The following KCNAB1 variants were observed in gnomAD, a reference collection of about 807,000 sequenced individuals.
KCNAB1 encodes potassium voltage-gated channel subfamily A regulatory beta subunit 1.
KCNAB1 carries 35 observed loss-of-function variants against 64.6 expected under a neutral mutation model. The observed-to-expected ratio is 0.54, with a 90% CI of 0.41 to 0.72. KCNAB1 has a LOEUF of 0.72. KCNAB1 is among the 30% of genes least tolerant of loss of function. KCNAB1 has a pLI of 0.00. For missense variants in KCNAB1, 401 were observed against 512.9 expected (o/e 0.78, Z 2.11); for synonymous variants, 177 against 183.8 (o/e 0.96, Z 0.30).
rs568499754 is a variant in KCNAB1 at position 156,155,575 on chromosome 3, G to A, written c.275+34689G>A. ...AGAAATGACAATCATTGAAGTTTCC[G>A]GGGTAAAGAGTATTATAGACAGAAG... On this transcript the variant is annotated intron_variant, in intron 1 of 13. Transcript: ENST00000490337. 2.0e-4 allele frequency among the ~76,000 whole-genome samples: 30 copies of A among 152,242 alleles called. No individual in the cohort carries two copies. The South Asian group carries it at 4.6e-3, about 23-fold the overall frequency.
intron 1 of KCNAB1, chr3:156,175,842 C>T: frequency 1.5e-6 from 1 of 669,644 alleles, no homozygotes; most frequent in Non-Finnish European, 2.8e-6. Context: ...GACAAGTAGC[C>T]TTGGAGTCTT....
At chr3:156,347,937 T>C (rs1377829613) in intron 1 of KCNAB1, among the ~76,000 whole-genome samples, 3 of 152,198 alleles carry the variant, frequency 2.0e-5, no homozygotes, top group African/African-American at 7.2e-5. Flanking sequence ...CATTCATTTT[T>C]AACTAGGAAA....
chr3:156,118,764 C>A (rs977816282), upstream of KCNAB1, among the ~76,000 whole-genome samples: 1 of 152,190 alleles, frequency 6.6e-6, no homozygotes, highest in African/African-American at 2.4e-5. Context: ...AGTGCCCTTT[C>A]CACAGTTCCA....
chr3:156,138,420 C>G (rs1714499133), intron 1 of KCNAB1, among the ~76,000 whole-genome samples: 1 of 152,204 alleles, frequency 6.6e-6, no homozygotes, highest in African/African-American at 2.4e-5. Flanking sequence ...AGTGCATTCC[C>G]ACTCCTCTAG....
intron 8 of KCNAB1, among the ~76,000 whole-genome samples, chr3:156,512,944 G>A (rs936040032): frequency 2.6e-5 from 4 of 152,252 alleles, no homozygotes; most frequent in African/African-American, 7.2e-5. Flanking sequence ...CGGGAGCAGT[G>A]GCTCACGCCT....
intron 8 of KCNAB1, among the ~76,000 whole-genome samples, chr3:156,504,750 T>C (rs13087893): frequency 2.3e-5 from 2 of 85,514 alleles, no homozygotes; most frequent in African/African-American, 1.0e-4. Context: ...TTGTTTTTTT[T>C]GTTTTTTTTT....
chr3:156,262,564 TG>T (rs147684415), intron 1 of KCNAB1, among the ~76,000 whole-genome samples: 2,426 of 152,054 alleles, frequency 0.016, 50 homozygotes, highest in Non-Finnish European at 0.019. Flanking sequence ...TACAAGTCGC[TG>T]GATTTGATTT....
chr3:156,417,052 CT>C (rs1264956802), intron 1 of KCNAB1, among the ~76,000 whole-genome samples: 1 of 152,194 alleles, frequency 6.6e-6, no homozygotes, highest in Non-Finnish European at 1.5e-5. Context: ...TCATTATTTA[CT>C]TACCAACAAT....
chr3:156,274,665 G>GTAGTTT (rs1661844477), intron 1 of KCNAB1, among the ~76,000 whole-genome samples: 1 of 152,138 alleles, frequency 6.6e-6, no homozygotes, highest in African/African-American at 2.4e-5. Context: ...CTACCATTAA[G>GTAGTTT]TAGTTTTGTG....
At chr3:156,440,745 G>C (rs1278480896) in intron 2 of KCNAB1, among the ~76,000 whole-genome samples, 5 of 152,268 alleles carry the variant, frequency 3.3e-5, no homozygotes, top group Admixed American at 6.5e-5. Context: ...TTAGGAAAAG[G>C]ACATTACAGA....
chr3:156,446,585 G>A (rs1255035549), intron 2 of KCNAB1, among the ~76,000 whole-genome samples: 1 of 152,118 alleles, frequency 6.6e-6, no homozygotes, highest in Non-Finnish European at 1.5e-5. Context: ...AATCTATATT[G>A]AAATGTGTTG....
At chr3:156,256,658 C>T (rs1430985224) in intron 1 of KCNAB1, among the ~76,000 whole-genome samples, 2 of 152,110 alleles carry the variant, frequency 1.3e-5, no homozygotes, top group Non-Finnish European at 2.9e-5. Flanking sequence ...GATATTTTTG[C>T]CCACTTGAGA....
At chr3:156,275,591 G>C (rs573308204) in intron 1 of KCNAB1, among the ~76,000 whole-genome samples, 1 of 152,286 alleles carries the variant, frequency 6.6e-6, no homozygotes, top group East Asian at 1.9e-4. Context: ...GCCACTGCTT[G>C]ATCAACCAAG....
intron 1 of KCNAB1, among the ~76,000 whole-genome samples, chr3:156,371,908 T>G (rs546129752): frequency 6.6e-6 from 1 of 152,212 alleles, no homozygotes; most frequent in Non-Finnish European, 1.5e-5. Context: ...CTTTGCTCGT[T>G]ACAGAATACT....
intron 1 of KCNAB1, among the ~76,000 whole-genome samples, chr3:156,125,974 C>G (rs927625363): frequency 1.3e-5 from 2 of 152,134 alleles, no homozygotes; most frequent in Non-Finnish European, 2.9e-5. Context: ...CTTGTTTGTA[C>G]AAGGCCCTGT....
intron 1 of KCNAB1, among the ~76,000 whole-genome samples, chr3:156,346,796 A>T (rs1160123967): frequency 2.0e-5 from 3 of 152,050 alleles, no homozygotes; most frequent in East Asian, 1.9e-4. Context: ...TTTTATGGAA[A>T]TTTTTTTTCC....
In KCNAB1 at chr3:156,390,503, C is replaced by T. The variant is rs901353253; in HGVS notation, c.276-31113C>T. Among the ~76,000 whole-genome samples, 68 of 151,780 alleles carry T rather than the reference C, an allele frequency of 4.5e-4. 2 individuals are homozygous for T. The highest frequency in any genetic ancestry group is 1.6e-3 in the African/African-American group (66 of 41,144). On this transcript the variant is annotated intron_variant, in intron 1 of 13. Transcript: ENST00000490337. ...GTGTTTGAACTCTTTTCCTTGGCAG[C>T]TAAGAAACTCCACTTTTCTTTGTGG...
chr3:156,138,240 G>A (rs1560103251), intron 1 of KCNAB1, among the ~76,000 whole-genome samples: 1 of 152,216 alleles, frequency 6.6e-6, no homozygotes, highest in Non-Finnish European at 1.5e-5. Flanking sequence ...GAAGGCAGAT[G>A]TCTCACAGCA....
At chr3:156,535,657 T>G (rs550956072) in intron 13 of KCNAB1, among the ~76,000 whole-genome samples, 1 of 152,280 alleles carries the variant, frequency 6.6e-6, no homozygotes, top group Admixed American at 6.5e-5. Flanking sequence ...GTTTCTAATC[T>G]CAATAATCAA....
Sources: gnomAD v4.1 joint callset for allele counts (sites outside exome capture counted in the v4.1 genomes callset) on GRCh38, gnomAD v4.1.1 for gene constraint, MANE v1.5 for transcripts, NCBI Gene and HGNC (gene_info 2026-07-23, HGNC 2026-07-21) for gene names.